Variants in KDM4C observed in about 807,000 individuals in gnomAD.
KDM4C encodes the protein lysine-specific demethylase 4C.
A neutral mutation model predicts 129.3 loss-of-function variants in KDM4C; 81 were observed. That is an observed-to-expected ratio of 0.63 (90% CI 0.52 to 0.75). The LOEUF (loss-of-function observed/expected upper bound fraction) is 0.75, where lower values mean the gene tolerates loss of function less well. Ranked by LOEUF, KDM4C falls within the 30% of genes least tolerant of loss-of-function variation. The pLI, the probability that KDM4C is intolerant of heterozygous loss-of-function variation, is 0.00. For missense variants in KDM4C, 1,457 were observed against 1,304.0 expected (o/e 1.12, Z -1.81); for synonymous variants, 573 against 456.1 (o/e 1.26, Z -3.26).
chr9:6,793,283 A>G (rs1293533536), intron 2 of KDM4C, 151 bp downstream of exon 2: 2 of 729,182 alleles, frequency 2.7e-6, no homozygotes, highest in African/African-American at 1.8e-5. Context: ...GATTTCTTCA[A>G]ATAGTAATTG....
intron 1 of KDM4C, among the ~76,000 whole-genome samples, chr9:6,741,676 C>CTTTTTTTTTTTTTTTT (rs71315557): frequency 1.1e-5 from 1 of 94,096 alleles, no homozygotes; most frequent in African/African-American, 4.2e-5. Context: ...GGTGGCAGCT[C>CTTTTTTTTTTTTTTTT]TTTTTTTTTT....
intron 17 of KDM4C, among the ~76,000 whole-genome samples, chr9:7,083,637 A>G (rs977495386): frequency 6.6e-6 from 1 of 151,886 alleles, no homozygotes; most frequent in African/African-American, 2.4e-5. Context: ...AAAATTAGGT[A>G]TTACAATCTT....
At chr9:6,757,797 T>A, upstream of KDM4C, 1 of 985,612 alleles carries the variant, frequency 1.0e-6, no homozygotes. Context: ...GAATGGGATA[T>A]GCCTGTGTCC....
intron 1 of KDM4C, among the ~76,000 whole-genome samples, chr9:6,766,586 T>C (rs1020062553): frequency 6.6e-6 from 1 of 152,038 alleles, no homozygotes; most frequent in Non-Finnish European, 1.5e-5. Context: ...GGAAGACTAA[T>C]GTCTTCAGTG....
At chr9:6,877,002 C>T (rs758954519) in intron 5 of KDM4C, among the ~76,000 whole-genome samples, 14 of 152,154 alleles carry the variant, frequency 9.2e-5, no homozygotes, top group Non-Finnish European at 1.3e-4. Context: ...CCCATTCTTT[C>T]GTTCATTCAT....
chr9:6,798,208 T>C, intron 2 of KDM4C, among the ~76,000 whole-genome samples: 1 of 152,112 alleles, frequency 6.6e-6, no homozygotes, highest in East Asian at 1.9e-4. Flanking sequence ...CTTTAGAAAA[T>C]TGCTGCAAAA....
chr9:7,170,408 CA>C (rs1844841177), intron 21 of KDM4C: 1 of 992,446 alleles, frequency 1.0e-6, no homozygotes, highest in Non-Finnish European at 1.2e-6. Context: ...AAGGGATAAA[CA>C]AAGCCTAAAT....
At chr9:6,754,008 G>A (rs575755056), upstream of KDM4C, among the ~76,000 whole-genome samples, 450 of 151,072 alleles carry the variant, frequency 3.0e-3, 3 homozygotes, top group African/African-American at 0.01. Flanking sequence ...TGGACTAGCT[G>A]GGACTACAGG....
At chr9:6,773,342 A>T (rs1312242654) in intron 1 of KDM4C, among the ~76,000 whole-genome samples, 1 of 152,224 alleles carries the variant, frequency 6.6e-6, no homozygotes, top group East Asian at 1.9e-4. Flanking sequence ...AAACGAAAGC[A>T]GATACTTTAG....
chr9:6,768,456 A>C (rs1043784237), intron 1 of KDM4C, among the ~76,000 whole-genome samples: 2 of 150,562 alleles, frequency 1.3e-5, no homozygotes, highest in Admixed American at 1.3e-4. Flanking sequence ...ATGCTCCCTC[A>C]CTCCTCAGTA....
intron 5 of KDM4C, among the ~76,000 whole-genome samples, chr9:6,859,118 G>A (rs1481754160): frequency 2.0e-5 from 3 of 152,078 alleles, no homozygotes; most frequent in Non-Finnish European, 2.9e-5. Context: ...GTTGTCTTTG[G>A]TGACTCCATT....
At chr9:6,733,938 T>C (rs997882736) in intron 1 of KDM4C, among the ~76,000 whole-genome samples, 1 of 152,196 alleles carries the variant, frequency 6.6e-6, no homozygotes, top group Admixed American at 6.5e-5. Context: ...GAGGTCACGC[T>C]CACATCTTGG....
At chr9:6,989,618 A>G (rs1360697346) in intron 11 of KDM4C, among the ~76,000 whole-genome samples, 5 of 152,152 alleles carry the variant, frequency 3.3e-5, no homozygotes, top group East Asian at 1.9e-4. Context: ...TATGTGATCT[A>G]GAAGTGGTGA....
At chr9:7,030,729 C>T (rs1390289602) in intron 15 of KDM4C, among the ~76,000 whole-genome samples, 1 of 152,030 alleles carries the variant, frequency 6.6e-6, no homozygotes, top group Non-Finnish European at 1.5e-5. Context: ...CAATATATGC[C>T]TTACAGTTAA....
At chr9:7,060,919 C>T (rs1382490866) in intron 17 of KDM4C, among the ~76,000 whole-genome samples, 1 of 152,180 alleles carries the variant, frequency 6.6e-6, no homozygotes, top group Non-Finnish European at 1.5e-5. Context: ...GTTCCTCTTC[C>T]CCTACTGTCC....
At chr9:7,157,894 C>T (rs1396801423) in intron 19 of KDM4C, among the ~76,000 whole-genome samples, 1 of 152,210 alleles carries the variant, frequency 6.6e-6, no homozygotes, top group East Asian at 1.9e-4. Flanking sequence ...AGGAGTCCCT[C>T]TTTTTCTGTT....
At chr9:6,878,080 G>A (rs1843841755) in intron 5 of KDM4C, among the ~76,000 whole-genome samples, 2 of 152,208 alleles carry the variant, frequency 1.3e-5, no homozygotes, top group Non-Finnish European at 2.9e-5. Context: ...CTAAGGCAGG[G>A]AAGGAGAGTG....
chr9:6,783,292 A>G (rs1482035256), intron 1 of KDM4C, among the ~76,000 whole-genome samples: 2 of 152,188 alleles, frequency 1.3e-5, no homozygotes, highest in Non-Finnish European at 2.9e-5. Flanking sequence ...AGGCAAGCTA[A>G]ACTGTGGATG....
intron 1 of KDM4C, among the ~76,000 whole-genome samples, chr9:6,777,262 G>A (rs959628988): frequency 2.0e-5 from 3 of 152,146 alleles, no homozygotes; most frequent in African/African-American, 7.2e-5. Context: ...AGCACCCAAA[G>A]CTCTCTACTC....
Sources: allele counts gnomAD v4.1 joint callset (sites outside exome capture counted in the v4.1 genomes callset), GRCh38; gene constraint gnomAD v4.1.1; transcripts MANE v1.5; gene names NCBI Gene and HGNC (gene_info 2026-07-23, HGNC 2026-07-21).